SATB1: variants seen among roughly 807,000 people sequenced by gnomAD.
SATB1 encodes the protein SATB homeobox 1.
Under a neutral mutation model 86.9 loss-of-function variants are expected in SATB1, and 11 were observed. The observed-to-expected ratio is 0.13, with a 90% confidence interval of 0.08 to 0.21. The LOEUF is 0.21. SATB1 is among the 10% of genes least tolerant of loss of function. The pLI, the probability that SATB1 is intolerant of heterozygous loss-of-function variation, is 1.00. For missense variants in SATB1, 551 were observed against 937.6 expected (o/e 0.59, Z 5.39); for synonymous variants, 357 against 357.2 (o/e 1.00, Z 0.01).
chr3:18,408,136 G>A (rs1697641020), intron 5 of SATB1, among the ~76,000 whole-genome samples: 1 of 151,970 alleles, frequency 6.6e-6, no homozygotes, highest in African/African-American at 2.4e-5. Flanking sequence ...GCATTTCTAT[G>A]GGAAAATATT....
intron 9 of SATB1, among the ~76,000 whole-genome samples, chr3:18,369,448 A>C (rs1465672466): frequency 6.6e-6 from 1 of 152,168 alleles, no homozygotes. Context: ...CCTGGAAAAA[A>C]ACTAGACAAC....
At position 18,345,722 on chromosome 3, in the gene SATB1, A is replaced by G. The variant is rs938446243; in HGVS notation, c.*3448T>C. 2.6e-5 allele frequency: 4 copies of G among 152,152 alleles called. No individual in the cohort carries two copies. Among genetic ancestry groups the G allele is most frequent in the African/African-American group, 9.6e-5 (4 of 41,458 alleles). The allele number at this position is 152,152 out of a possible 1,614,324, so 9.4% of individuals were successfully genotyped here. Reference sequence around the variant, plus strand: ...TTCCACACTATCATGCAAATTTCCAACTTGCTTTAACACAACAGTTCTATC... The same window carrying G: ...TTCCACACTATCATGCAAATTTCCAGCTTGCTTTAACACAACAGTTCTATC... On this transcript the variant is annotated 3_prime_UTR_variant, in exon 11 of 11. Coordinates refer to ENST00000338745, the MANE Select transcript of SATB1 (RefSeq NM_002971.6).
chr3:18,385,697 C>T (rs540827697), intron 8 of SATB1, among the ~76,000 whole-genome samples: 2 of 151,588 alleles, frequency 1.3e-5, no homozygotes, highest in Non-Finnish European at 1.5e-5. Context: ...AAACTTTTAT[C>T]TAAGGGTTTG....
At position 18,346,934 on chromosome 3, in the gene SATB1, C is replaced by G. The variant is rs1186973200; in HGVS notation, c.*2236G>C. On this transcript the variant is annotated 3_prime_UTR_variant, in exon 11 of 11. Coordinates refer to ENST00000338745, the MANE Select transcript of SATB1 (RefSeq NM_002971.6). ...TCCTTTGGCTCAAATTATTACTTTT[C>G]TGAACTCTAGTGAGCCAGAATGTTT... 2.0e-5 allele frequency: 3 copies of G among 152,044 alleles called. No homozygotes were observed. In the East Asian group the frequency reaches 5.8e-4, roughly 29 times the overall value. 9.4% of individuals were successfully genotyped at this position (152,044 alleles called of 1,614,324 possible).
chr3:18,376,730 A>T (rs1235282058), intron 9 of SATB1, among the ~76,000 whole-genome samples: 1 of 152,152 alleles, frequency 6.6e-6, no homozygotes, highest in Non-Finnish European at 1.5e-5. Context: ...TCCAATCAAA[A>T]TTACAGTAAT....
chr3:18,410,697 G>A (rs1257709367), intron 5 of SATB1: 1 of 206,582 alleles, frequency 4.8e-6, no homozygotes, highest in Non-Finnish European at 9.5e-6. Flanking sequence ...AGACTCTCAT[G>A]TGAAATGCAG....
At chr3:18,445,357 G>C (rs1363756050) in intron 1 of SATB1, 27 of 984,882 alleles carry the variant, frequency 2.7e-5, no homozygotes, top group Admixed American at 6.2e-5. Context: ...GCCGGGGTGT[G>C]GGGGGCGGCG....
chr3:18,389,386 T>C (rs1421951375), intron 7 of SATB1, among the ~76,000 whole-genome samples: 1 of 151,956 alleles, frequency 6.6e-6, no homozygotes, highest in Non-Finnish European at 1.5e-5. Flanking sequence ...AAAGTCACTT[T>C]AGAATAATTT....
chr3:18,406,041 T>C (rs1381524067), intron 5 of SATB1, among the ~76,000 whole-genome samples: 3 of 151,914 alleles, frequency 2.0e-5, no homozygotes, highest in African/African-American at 7.3e-5. Context: ...TTGGAATGGG[T>C]TGTAAATCAT....
chr3:18,371,944 C>T (rs1008442153), intron 9 of SATB1, among the ~76,000 whole-genome samples: 6 of 152,140 alleles, frequency 3.9e-5, no homozygotes, highest in African/African-American at 1.4e-4. Context: ...TGCTGTTTTC[C>T]CTACTTTCTG....
intron 7 of SATB1, among the ~76,000 whole-genome samples, chr3:18,391,946 T>G (rs1696697945): frequency 6.6e-6 from 1 of 152,236 alleles, no homozygotes; most frequent in Non-Finnish European, 1.5e-5. Context: ...TGTGCAAAAG[T>G]TAGTTCTCAA....
Position 18,394,549 on chromosome 3 carries a change from G to T in SATB1, c.1119C>A (p.Ser373=), listed in dbSNP as rs751682517. The part of the protein sequence containing the change: ...QQVSTNTEVS[S]EIYQWVRDEL... ...CATCGCGTACCCACTGGTAGATTTC[G>T]GAAGACACCTCTGTGTTGGTCGAAA... The change falls in exon 7 of 11, where the codon TCC becomes TCA. Residue 373 remains serine, a synonymous_variant. Transcript: ENST00000338745. This position sits in a 1 kb window ranked among gnomAD's most constrained non-coding sequence, Gnocchi z 5.9. The T allele has an allele frequency of 6.2e-7, 1 of 1,614,118 alleles. No individual in the cohort carries two copies. Among genetic ancestry groups the T allele is most frequent in the Admixed American group, 1.7e-5 (1 of 60,022 alleles).
intron 9 of SATB1, among the ~76,000 whole-genome samples, chr3:18,370,321 T>A (rs1695403834): frequency 6.6e-6 from 1 of 152,006 alleles, no homozygotes; most frequent in African/African-American, 2.4e-5. Flanking sequence ...ATCCAACCTG[T>A]GTATTCTTAT....
At chr3:18,421,452 C>T (rs1698392983) in intron 1 of SATB1, 1 of 156,308 alleles carries the variant, frequency 6.4e-6, no homozygotes, top group South Asian at 1.9e-4. Context: ...TATATGTATA[C>T]ATTTTATATG....
At chr3:18,399,324 G>T (rs1304874594) in intron 5 of SATB1, among the ~76,000 whole-genome samples, 1 of 152,074 alleles carries the variant, frequency 6.6e-6, no homozygotes, top group African/African-American at 2.4e-5. Flanking sequence ...CAAAGATGAG[G>T]CACCTGTCAT....
intron 7 of SATB1, among the ~76,000 whole-genome samples, chr3:18,390,031 C>T (rs1406011759): frequency 6.6e-6 from 1 of 152,058 alleles, no homozygotes; most frequent in Non-Finnish European, 1.5e-5. Context: ...CCTGTTTTTA[C>T]ATTCCAAAAA....
At chr3:18,356,594 A>T (rs1308921508) in intron 9 of SATB1, among the ~76,000 whole-genome samples, 1 of 151,878 alleles carries the variant, frequency 6.6e-6, no homozygotes, top group Non-Finnish European at 1.5e-5. Flanking sequence ...TATTCTAATG[A>T]TGTGCTTTAC....
intron 9 of SATB1, among the ~76,000 whole-genome samples, chr3:18,370,820 C>A (rs1466828498): frequency 3.9e-5 from 6 of 152,214 alleles, no homozygotes; most frequent in Non-Finnish European, 8.8e-5. Context: ...TACCTTGCCA[C>A]TGGAATATGC....
chr3:18,403,945 A>C (rs1297598160), intron 5 of SATB1, among the ~76,000 whole-genome samples: 1 of 152,042 alleles, frequency 6.6e-6, no homozygotes, highest in African/African-American at 2.4e-5. Context: ...TTTTTACAGC[A>C]GCTTTTTATC....
Sources: gnomAD v4.1 joint callset for allele counts (sites outside exome capture counted in the v4.1 genomes callset) on GRCh38, gnomAD v4.1.1 for gene constraint, Gnocchi (gnomAD v3.1) non-coding constraint, MANE v1.5 for transcripts, NCBI Gene and HGNC (gene_info 2026-07-23, HGNC 2026-07-21) for gene names.